TMED10: variants seen among roughly 807,000 people sequenced by gnomAD.
TMED10 encodes the protein transmembrane p24 trafficking protein 10, also known as transmembrane emp24 domain-containing protein 10.
A neutral mutation model predicts 23.1 loss-of-function variants in TMED10; 7 were observed. The observed-to-expected ratio is 0.30, with a 90% CI of 0.17 to 0.57. The LOEUF is 0.57. TMED10 is among the 20% of genes least tolerant of loss of function. TMED10 has a pLI of 0.91. For missense variants in TMED10, 162 were observed against 274.8 expected (o/e 0.59, Z 2.90); for synonymous variants, 113 against 106.9 (o/e 1.06, Z -0.35).
At chr14:75,175,345 G>C (rs982821248) in intron 1 of TMED10, among the ~76,000 whole-genome samples, 19 of 152,182 alleles carry the variant, frequency 1.2e-4, no homozygotes, top group Non-Finnish European at 2.6e-4. Context: ...AAAAGGACTA[G>C]AGACTGAGAC....
At chr14:75,160,463 T>A (rs1896072511) in intron 1 of TMED10, among the ~76,000 whole-genome samples, 1 of 152,164 alleles carries the variant, frequency 6.6e-6, no homozygotes, top group Admixed American at 6.5e-5. Context: ...GGTCATCTGG[T>A]TTCTCAAGAA....
rs1389514955 is a variant in TMED10, at chr14:75,134,942, A to T, written c.603T>A (p.Ala201=). The change falls in exon 5 of 5, where the codon GCT becomes GCA. Residue 201 remains alanine (A), a synonymous_variant. Transcript: ENST00000303575. ...IFSMFCLIGL[A]TWQVFYLRRF... is the part of the protein sequence containing the mutation. ...GTCGCAGGTAGAAGACCTGCCAGGT[A>T]GCTAGTCCAATGAGACAGAACATTG... 1.9e-6 allele frequency: 3 copies of T among 1,614,142 alleles called. No homozygotes were observed. The East Asian group carries it at 6.7e-5, about 36-fold the overall frequency.
intron 1 of TMED10, among the ~76,000 whole-genome samples, chr14:75,152,703 C>T (rs935476444): frequency 7.9e-5 from 12 of 152,236 alleles, no homozygotes; most frequent in Admixed American, 5.2e-4. Flanking sequence ...ATTATGTCAA[C>T]GGCCAGGTAG....
intron 3 of TMED10, among the ~76,000 whole-genome samples, chr14:75,142,414 C>T (rs930678083): frequency 1.3e-5 from 2 of 152,246 alleles, no homozygotes; most frequent in South Asian, 2.1e-4. Context: ...TTTAAACTGC[C>T]AAACTCTGCT....
chr14:75,169,761 A>G (rs1171328773), intron 1 of TMED10, among the ~76,000 whole-genome samples: 1 of 152,196 alleles, frequency 6.6e-6, no homozygotes, highest in Non-Finnish European at 1.5e-5. Context: ...ATCAAACCAC[A>G]GCTGCCTAAA....
rs1350106754 is a variant in TMED10 at position 75,176,490 on chromosome 14, A to G, written c.90T>C (p.Leu30=). 3.7e-6 allele frequency: 6 copies of G among 1,614,094 alleles called. No individual in the cohort carries two copies. Among genetic ancestry groups the G allele is most frequent in the African/African-American group, 2.7e-5 (2 of 74,922 alleles). The change falls in exon 1 of 5, where the codon CTT becomes CTC. Residue 30 remains leucine (L), a synonymous_variant. Transcript: ENST00000303575. ...TAATGGGCAGATGGAAGGAGATGGCAAGGACCAATCTGGGGCCGAGCAGGA... is the reference window on the plus strand; with the variant it reads ...TAATGGGCAGATGGAAGGAGATGGCGAGGACCAATCTGGGGCCGAGCAGGA... ...LLFLLGPRLV[L]AISFHLPINS... is the part of the protein sequence containing the mutation.
intron 3 of TMED10, 46 bp downstream of exon 3, chr14:75,147,618 A>G (rs759776698): frequency 4.3e-5 from 69 of 1,602,164 alleles, no homozygotes; most frequent in Non-Finnish European, 5.5e-5. Flanking sequence ...GAAACCTCAC[A>G]GCATAGCACA....
At chr14:75,142,926 T>C (rs913351856) in intron 3 of TMED10, among the ~76,000 whole-genome samples, 8 of 152,170 alleles carry the variant, frequency 5.3e-5, no homozygotes, top group African/African-American at 1.9e-4. Context: ...TGGCACGATC[T>C]TGGCTCACTG....
At chr14:75,174,700 A>G (rs1332157866) in intron 1 of TMED10, among the ~76,000 whole-genome samples, 1 of 152,170 alleles carries the variant, frequency 6.6e-6, no homozygotes, top group Non-Finnish European at 1.5e-5. Flanking sequence ...ACTGGGTTCC[A>G]CTACTTTAAC....
chr14:75,173,545 CT>C (rs374686958), intron 1 of TMED10, among the ~76,000 whole-genome samples: 6 of 149,202 alleles, frequency 4.0e-5, no homozygotes, highest in Admixed American at 1.3e-4. Flanking sequence ...ATCATCACTG[CT>C]TTTTTTTTTA....
intron 1 of TMED10, among the ~76,000 whole-genome samples, chr14:75,153,692 G>T (rs924975100): frequency 3.3e-5 from 5 of 151,628 alleles, no homozygotes; most frequent in African/African-American, 1.2e-4. Flanking sequence ...GGAAAATTAA[G>T]TAGCACACAT....
chr14:75,145,783 T>C (rs1160735673), intron 3 of TMED10, among the ~76,000 whole-genome samples: 2 of 151,930 alleles, frequency 1.3e-5, no homozygotes, highest in African/African-American at 4.8e-5. Context: ...CGAGACTCCA[T>C]CTCAATAAAT....
chr14:75,142,233 G>A (rs1462183907), intron 3 of TMED10, among the ~76,000 whole-genome samples: 1 of 152,178 alleles, frequency 6.6e-6, no homozygotes, highest in African/African-American at 2.4e-5. Flanking sequence ...GCATGTAGTT[G>A]TTAAATAATC....
At chr14:75,171,667 C>T (rs1376629535) in intron 1 of TMED10, among the ~76,000 whole-genome samples, 3 of 152,206 alleles carry the variant, frequency 2.0e-5, no homozygotes, top group Non-Finnish European at 4.4e-5. Context: ...TGATCCCCAC[C>T]CCACTCCCAA....
Position 75,138,812 on chromosome 14 carries a change from CTTTTTTTTT to C in TMED10, c.412-2935_412-2927del, listed in dbSNP as rs59707221. ...CTACTGAATCCCACAGCCTTTGCTT[CTTTTTTTTT>C]TTTTTTTTTTTATTTTTGTTGTTGT... On this transcript the variant is annotated intron_variant, in intron 3 of 4. Transcript: ENST00000303575. Among the ~76,000 whole-genome samples, 16 of 95,052 alleles carry C rather than the reference CTTTTTTTTT, an allele frequency of 1.7e-4. No individual in the cohort carries two copies. In the Admixed American group the frequency reaches 1.9e-3, roughly 12 times the overall value. 62.4% of individuals were successfully genotyped at this position (95,052 alleles called of 152,430 possible). A position where few individuals can be genotyped will look rare whatever the true frequency, so the allele number is the denominator to read the frequency against.
chr14:75,166,939 C>CTT (rs35308116), intron 1 of TMED10, among the ~76,000 whole-genome samples: 25 of 114,562 alleles, frequency 2.2e-4, no homozygotes, highest in South Asian at 2.9e-4. Flanking sequence ...CATCCTATTC[C>CTT]TTTTTTTTTT....
chr14:75,159,075 G>A (rs1263277341), intron 1 of TMED10, among the ~76,000 whole-genome samples: 1 of 152,142 alleles, frequency 6.6e-6, no homozygotes, highest in Admixed American at 6.6e-5. Context: ...GACCCACAAA[G>A]ATACTCACTT....
rs1381776552 is a variant in TMED10, at chr14:75,132,608, T to C, written c.*2277A>G. On this transcript the variant is annotated 3_prime_UTR_variant, in exon 5 of 5. Coordinates refer to ENST00000303575, the MANE Select transcript of TMED10 (RefSeq NM_006827.6). The stretch of plus-strand genomic sequence containing the variant: ...TTGTACAAGTTAACGACAGAACTAC[T>C]TTTATGCCACAGGAGAGGAAGACAC... 1 of 152,128 alleles carries C rather than the reference T, an allele frequency of 6.6e-6. No homozygotes were observed. The highest frequency in any genetic ancestry group is 1.5e-5 in the Non-Finnish European group (1 of 68,034). 9.4% of individuals were successfully genotyped at this position (152,128 alleles called of 1,614,324 possible). A position where few individuals can be genotyped will look rare whatever the true frequency, so the allele number is the denominator to read the frequency against.
In TMED10 at chr14:75,151,775, A is replaced by T. The variant is rs533880151; in HGVS notation, c.337+257T>A. 3.3e-5 allele frequency among the ~76,000 whole-genome samples: 5 copies of T among 152,302 alleles called. No homozygotes were observed. The East Asian group carries it at 9.6e-4, about 29-fold the overall frequency. ...AAATGTAATGTTCGGACAACCATATAATGACATGTATCCACTATTACAGTA... is the reference window on the plus strand; with the variant it reads ...AAATGTAATGTTCGGACAACCATATTATGACATGTATCCACTATTACAGTA... On this transcript the variant is annotated intron_variant, in intron 2 of 4. Coordinates refer to ENST00000303575, the MANE Select transcript of TMED10 (RefSeq NM_006827.6).
Sources: gnomAD v4.1 joint callset for allele counts (sites outside exome capture counted in the v4.1 genomes callset) on GRCh38, gnomAD v4.1.1 for gene constraint, MANE v1.5 for transcripts, NCBI Gene and HGNC (gene_info 2026-07-23, HGNC 2026-07-21) for gene names.